Variants in MOB1B observed in about 807,000 individuals in gnomAD.
The protein encoded by MOB1B is MOB1 Mps One Binder homolog B.
In MOB1B, 19 loss-of-function variants were observed where a neutral mutation model predicts 24.4. The ratio of observed to expected loss-of-function variants is 0.78; its 90% CI spans 0.54 to 1.14. The LOEUF is 1.14. MOB1B is among the 50% of genes most tolerant of loss of function. The pLI, the probability that MOB1B is intolerant of heterozygous loss-of-function variation, is 0.00. For missense variants in MOB1B, 243 were observed against 259.6 expected (o/e 0.94, Z 0.44); for synonymous variants, 76 against 82.1 (o/e 0.93, Z 0.40).
At position 70,982,124 on chromosome 4, in the gene MOB1B, A is replaced by T; in HGVS notation, c.*67A>T. 1.6e-6 allele frequency: 2 copies of T among 1,238,796 alleles called. No individual in the cohort carries two copies. Among genetic ancestry groups the T allele is most frequent in the Non-Finnish European group, 2.3e-6 (2 of 860,168 alleles). The allele number at this position is 1,238,796 out of a possible 1,614,324, so 76.7% of individuals were successfully genotyped here. A position where few individuals can be genotyped will look rare whatever the true frequency, so the allele number is the denominator to read the frequency against. On this transcript the variant is annotated 3_prime_UTR_variant, in exon 6 of 6. Transcript: ENST00000309395. ...TGTGGAGTGTATTGGGGATTTTGTT[A>T]TATTTTGTTTTTATCTGGATTGTTT...
chr4:70,931,357 G>GGT (rs2148879295), intron 1 of MOB1B, among the ~76,000 whole-genome samples: 1 of 152,248 alleles, frequency 6.6e-6, no homozygotes, highest in East Asian at 1.9e-4. Flanking sequence ...TTAGACTTTA[G>GGT]GTGGTGGTAG....
chr4:70,931,509 G>A (rs142570709), intron 1 of MOB1B, among the ~76,000 whole-genome samples: 1 of 152,288 alleles, frequency 6.6e-6, no homozygotes, highest in Non-Finnish European at 1.5e-5. Flanking sequence ...TTGTGGAACT[G>A]GTCAGAATGA....
At chr4:70,902,722 T>G (rs966038563) in intron 1 of MOB1B, among the ~76,000 whole-genome samples, 172 bp downstream of exon 1, 2 of 151,550 alleles carry the variant, frequency 1.3e-5, no homozygotes, top group Non-Finnish European at 2.9e-5. Flanking sequence ...TCGGACTACC[T>G]AACCGCCGCC....
intron 1 of MOB1B, among the ~76,000 whole-genome samples, chr4:70,917,599 T>G (rs1736245728): frequency 6.6e-6 from 1 of 152,176 alleles, no homozygotes; most frequent in Non-Finnish European, 1.5e-5. Context: ...AGGACAGTCT[T>G]TCTCTGACGT....
At chr4:70,938,965 C>T (rs1166909685) in intron 1 of MOB1B, among the ~76,000 whole-genome samples, 1 of 152,004 alleles carries the variant, frequency 6.6e-6, no homozygotes, top group African/African-American at 2.4e-5. Flanking sequence ...GGATAATAGG[C>T]ATGAGCCACT....
intron 3 of MOB1B, 149 bp downstream of exon 3, chr4:70,970,173 G>T: frequency 1.8e-6 from 1 of 564,034 alleles, no homozygotes; most frequent in Non-Finnish European, 3.1e-6. Flanking sequence ...TTAGCTTGGG[G>T]TTTGTGACTG....
At chr4:70,975,057 G>T (rs1738923304) in intron 3 of MOB1B, 96 bp from the exon 4 acceptor site, 1 of 898,626 alleles carries the variant, frequency 1.1e-6, no homozygotes, top group Non-Finnish European at 1.5e-6. Context: ...TTGAAAACAT[G>T]TCTGTGTGTA....
At chr4:70,942,168 GCAAA>G (rs1438451124) in intron 1 of MOB1B, among the ~76,000 whole-genome samples, 1 of 152,020 alleles carries the variant, frequency 6.6e-6, no homozygotes, top group Non-Finnish European at 1.5e-5. Flanking sequence ...ATCCTAAGAA[GCAAA>G]CACTCAAATC....
intron 1 of MOB1B, among the ~76,000 whole-genome samples, chr4:70,910,200 C>G (rs766420930): frequency 2.0e-5 from 3 of 150,778 alleles, no homozygotes; most frequent in Non-Finnish European, 2.9e-5. Flanking sequence ...GCCACCATGC[C>G]CAGCTAATTT....
rs149189602 is a variant in MOB1B, at chr4:70,960,643, T to C, written c.181+1603T>C. ...ATTTACACAAGAGCCATGTTATTAT[T>C]ATGTGATTATCCTCCTGGACCAAGA... On this transcript the variant is annotated intron_variant, in intron 2 of 5. Coordinates refer to ENST00000309395, the MANE Select transcript of MOB1B (RefSeq NM_173468.4). Among the ~76,000 whole-genome samples the C allele has an allele frequency of 2.0e-3, 297 of 152,306 alleles. 1 individual carries two copies. Among genetic ancestry groups the C allele is most frequent in the African/African-American group, 6.8e-3 (283 of 41,560 alleles).
chr4:70,988,097 T>G lies in MOB1B; in HGVS notation c.*6040T>G, dbSNP rs1434527303. ...TGGGAAATATTTAAATTCTAGGTGT[T>G]TTTTTTTTTTTAAAGAAGAAACTCA... On this transcript the variant is annotated 3_prime_UTR_variant, in exon 6 of 6. Coordinates refer to ENST00000309395, the MANE Select transcript of MOB1B (RefSeq NM_173468.4). 1.4e-5 allele frequency: 2 copies of G among 144,764 alleles called. No individual in the cohort carries two copies. The highest frequency in any genetic ancestry group is 6.8e-5 in the Admixed American group (1 of 14,774). The allele number at this position is 144,764 out of a possible 1,614,324, so 9.0% of individuals were successfully genotyped here. A position where few individuals can be genotyped will look rare whatever the true frequency, so the allele number is the denominator to read the frequency against.
At chr4:70,976,254 TG>T (rs1398602553) in intron 4 of MOB1B, 1 of 984,200 alleles carries the variant, frequency 1.0e-6, no homozygotes, top group Non-Finnish European at 1.2e-6. Context: ...GAATGGATAT[TG>T]AGTAGATTGC....
chr4:70,913,388 C>A (rs1378333679), intron 1 of MOB1B, among the ~76,000 whole-genome samples: 1 of 152,002 alleles, frequency 6.6e-6, no homozygotes, highest in Admixed American at 6.6e-5. Flanking sequence ...CCTCTACCTC[C>A]CAGGCTCAAG....
intron 1 of MOB1B, among the ~76,000 whole-genome samples, chr4:70,920,282 A>G (rs867629267): frequency 4.6e-5 from 7 of 151,174 alleles, no homozygotes; most frequent in East Asian, 1.9e-4. Flanking sequence ...TTCTCCTTCA[A>G]CAGTCTCACT....
At chr4:70,925,166 C>T (rs1165593762) in intron 1 of MOB1B, among the ~76,000 whole-genome samples, 1 of 152,092 alleles carries the variant, frequency 6.6e-6, no homozygotes, top group Non-Finnish European at 1.5e-5. Flanking sequence ...GCCTCAGCCT[C>T]CTGAGTAGCA....
chr4:70,910,324 A>G (rs1735929960), intron 1 of MOB1B, among the ~76,000 whole-genome samples: 2 of 152,252 alleles, frequency 1.3e-5, no homozygotes, highest in South Asian at 4.1e-4. Context: ...TATAGGTGCT[A>G]GCCATTGCGC....
intron 4 of MOB1B, 81 bp downstream of exon 4, chr4:70,975,367 T>C (rs780385052): frequency 6.4e-7 from 1 of 1,561,534 alleles, no homozygotes; most frequent in Non-Finnish European, 8.6e-7. Flanking sequence ...CTTTCCACTA[T>C]ATCTAGTTGG....
chr4:70,943,034 T>C (rs1227054952), intron 1 of MOB1B, among the ~76,000 whole-genome samples: 1 of 152,166 alleles, frequency 6.6e-6, no homozygotes, highest in Non-Finnish European at 1.5e-5. Context: ...AAACATGAAG[T>C]GCTCAGAACT....
chr4:70,961,855 A>G (rs1038049711), intron 2 of MOB1B, among the ~76,000 whole-genome samples: 5 of 152,220 alleles, frequency 3.3e-5, no homozygotes, highest in African/African-American at 1.2e-4. Flanking sequence ...GATAAGATCT[A>G]TATCCAAATA....
Sources: gnomAD v4.1 joint callset for allele counts (sites outside exome capture counted in the v4.1 genomes callset) on GRCh38, gnomAD v4.1.1 for gene constraint, MANE v1.5 for transcripts, NCBI Gene and HGNC (gene_info 2026-07-23, HGNC 2026-07-21) for gene names.